The following SLC4A5 variants were observed in gnomAD, a reference collection of about 807,000 sequenced individuals.
The protein encoded by SLC4A5 is solute carrier family 4 member 5, also known as electrogenic sodium bicarbonate cotransporter 4.
SLC4A5 carries 96 observed loss-of-function variants against 120.4 expected under a neutral mutation model. That is an observed-to-expected ratio of 0.80 (90% CI 0.68 to 0.94). The LOEUF (loss-of-function observed/expected upper bound fraction) is 0.94. SLC4A5 is among the 40% of genes least tolerant of loss of function. SLC4A5 has a pLI of 0.00. For missense variants in SLC4A5, 1,259 were observed against 1,459.5 expected, an observed-to-expected ratio of 0.86 and a Z score of 2.24; for synonymous variants, 550 against 571.1, an observed-to-expected ratio of 0.96 and a Z score of 0.53.
At chr2:74,306,473 C>T (rs973759978) in intron 6 of SLC4A5, among the ~76,000 whole-genome samples, 2 of 152,222 alleles carry the variant, frequency 1.3e-5, no homozygotes, top group Admixed American at 6.5e-5. Context: ...AGAAACCCCT[C>T]TCAGGTTTAT....
chr2:74,305,201 C>T (rs1573082931), intron 6 of SLC4A5, among the ~76,000 whole-genome samples: 1 of 152,124 alleles, frequency 6.6e-6, no homozygotes, highest in East Asian at 1.9e-4. Context: ...TACCAAGAGC[C>T]CTAATTCAGA....
At chr2:74,250,561 C>T (rs1670758868) in intron 16 of SLC4A5, 44 bp from the exon 17 acceptor site, 1 of 1,609,870 alleles carries the variant, frequency 6.2e-7, no homozygotes, top group African/African-American at 1.3e-5. Flanking sequence ...CCACTAACAC[C>T]AGTGCAGGGG....
intron 6 of SLC4A5, among the ~76,000 whole-genome samples, chr2:74,308,434 T>G (rs537583890): frequency 1.3e-5 from 2 of 152,226 alleles, no homozygotes; most frequent in Admixed American, 6.5e-5. Flanking sequence ...TAGGTGTTAG[T>G]GGATCTTATT....
rs1237195099 is a variant in SLC4A5, at chr2:74,298,088, C to T, written c.271+6401G>A. ...TACATCTCTTTGAATCTTAGTTTCA[C>T]AATCTGAAGATGGGGATAATAATAT... On this transcript the variant is annotated intron_variant, in intron 7 of 30. Transcript: ENST00000394019. Among the ~76,000 whole-genome samples, 20 of 152,240 alleles carry T rather than the reference C, an allele frequency of 1.3e-4. 1 individual carries two copies. Among genetic ancestry groups the T allele is most frequent in the Non-Finnish European group, 2.9e-4 (20 of 68,044 alleles).
intron 5 of SLC4A5, 135 bp from the exon 6 acceptor site, chr2:74,315,160 C>T: frequency 1.3e-6 from 1 of 755,500 alleles, no homozygotes. Flanking sequence ...GGACATATAA[C>T]TGGGTGCAGT....
At chr2:74,337,100 A>C (rs1673506552) in intron 3 of SLC4A5, among the ~76,000 whole-genome samples, 1 of 152,216 alleles carries the variant, frequency 6.6e-6, no homozygotes, top group Non-Finnish European at 1.5e-5. Context: ...AGAAACATTG[A>C]CTTTGCTAGG....
chr2:74,292,601 G>A (rs908148855), intron 7 of SLC4A5, among the ~76,000 whole-genome samples: 1 of 152,126 alleles, frequency 6.6e-6, no homozygotes. Context: ...CAGTTGCTGG[G>A]AGAAACATAA....
chr2:74,296,542 C>T (rs1415864165), intron 7 of SLC4A5, among the ~76,000 whole-genome samples: 1 of 147,456 alleles, frequency 6.8e-6, no homozygotes, highest in African/African-American at 2.5e-5. Flanking sequence ...GCAGGTGGAT[C>T]ACTTGAGTCA....
At chr2:74,283,838 CT>C (rs1215361312) in intron 8 of SLC4A5, among the ~76,000 whole-genome samples, 4,389 of 139,120 alleles carry the variant, frequency 0.032, 120 homozygotes, top group African/African-American at 0.085. Context: ...AATCTTATTC[CT>C]TTTTTTTTTT....
chr2:74,227,599 G>C (rs2103892358), intron 26 of SLC4A5: 1 of 1,526,000 alleles, frequency 6.6e-7, no homozygotes, highest in South Asian at 1.2e-5. Context: ...TAATTACATA[G>C]ATTCAATTAT....
At chr2:74,306,997 T>A (rs114368936) in intron 6 of SLC4A5, 8,036 of 595,016 alleles carry the variant, frequency 0.014, 513 homozygotes, top group African/African-American at 0.13. Context: ...TGCAGCAGGA[T>A]CCCATTGAGC....
chr2:74,315,083 A>ACC, intron 5 of SLC4A5, 58 bp from the exon 6 acceptor site: 2 of 1,409,688 alleles, frequency 1.4e-6, no homozygotes, highest in East Asian at 4.6e-5. Context: ...GTAGGATTTC[A>ACC]AGGAGAAATG....
At chr2:74,251,974 C>T (rs1670805064) in intron 16 of SLC4A5, among the ~76,000 whole-genome samples, 1 of 152,160 alleles carries the variant, frequency 6.6e-6, no homozygotes, top group Admixed American at 6.5e-5. Flanking sequence ...GGGTTCCTCT[C>T]CTCTTGTATG....
intron 8 of SLC4A5, among the ~76,000 whole-genome samples, chr2:74,280,873 G>T (rs894688739): frequency 6.6e-6 from 1 of 152,076 alleles, no homozygotes. Context: ...TTTTAGTAGA[G>T]ATGGGGTTTC....
chr2:74,271,766 A>T (rs540141611), intron 8 of SLC4A5, among the ~76,000 whole-genome samples: 34 of 151,636 alleles, frequency 2.2e-4, no homozygotes, highest in African/African-American at 8.0e-4. Flanking sequence ...ATGACTGGGG[A>T]AAAAAAGCTT....
chr2:74,314,162 A>G (rs1296484879), intron 6 of SLC4A5, among the ~76,000 whole-genome samples: 2 of 152,166 alleles, frequency 1.3e-5, no homozygotes, highest in Non-Finnish European at 2.9e-5. Flanking sequence ...AAATTGTCCC[A>G]TCTTTTCTTG....
At chr2:74,252,738 C>T (rs1670831804) in intron 15 of SLC4A5, among the ~76,000 whole-genome samples, 1 of 151,964 alleles carries the variant, frequency 6.6e-6, no homozygotes, top group Non-Finnish European at 1.5e-5. Context: ...AGGTGCATGC[C>T]ACCATGCCCA....
intron 8 of SLC4A5, among the ~76,000 whole-genome samples, chr2:74,267,118 C>A (rs555564288): frequency 6.6e-6 from 1 of 152,270 alleles, no homozygotes; most frequent in South Asian, 2.1e-4. Context: ...AATGAAATAA[C>A]ATTCTTCATT....
chr2:74,239,835 C>T (rs1333107789), intron 20 of SLC4A5, among the ~76,000 whole-genome samples: 1 of 151,012 alleles, frequency 6.6e-6, no homozygotes, highest in African/African-American at 2.5e-5. Flanking sequence ...CTGTGGACGC[C>T]TCCTTCCTGG....
Sources: gnomAD v4.1 joint callset for allele counts (sites outside exome capture counted in the v4.1 genomes callset) on GRCh38, gnomAD v4.1.1 for gene constraint, MANE v1.5 for transcripts, NCBI Gene and HGNC (gene_info 2026-07-23, HGNC 2026-07-21) for gene names.